The following CD33 variants were observed in gnomAD, a reference collection of about 807,000 sequenced individuals.
CD33 encodes the protein myeloid cell surface antigen CD33.
A neutral mutation model predicts 31.4 loss-of-function variants in CD33; 25 were observed. The observed-to-expected ratio is 0.80, with a 90% CI of 0.58 to 1.11. The LOEUF is 1.11. Ranked by LOEUF, CD33 falls within the 50% of genes most tolerant of loss-of-function variation. The pLI is 0.00. For synonymous variants in CD33, 176 were observed against 180.6 expected (o/e 0.97, Z 0.20); for missense variants, 407 against 448.1 (o/e 0.91, Z 0.83).
At chr19:51,213,702 A>ATT in the CD33 span, among the ~76,000 whole-genome samples, 2 of 137,656 alleles carry the variant, frequency 1.5e-5, no homozygotes, top group Non-Finnish European at 3.1e-5. Flanking sequence ...ATGCCTGGCT[A>ATT]TTTTTTTTTT....
chr19:51,237,449 G>T (rs968956332), intron 6 of CD33: 1 of 152,270 alleles, frequency 6.6e-6, no homozygotes, highest in Non-Finnish European at 1.5e-5. Context: ...GGCAGGAAAT[G>T]AAATGGGAGA....
At chr19:51,227,703 A>G (rs990106852) in intron 4 of CD33, among the ~76,000 whole-genome samples, 2 of 152,132 alleles carry the variant, frequency 1.3e-5, no homozygotes, top group African/African-American at 2.4e-5. Flanking sequence ...TCCTTTCTGC[A>G]TAGAAGCTTT....
chr19:51,238,094 T>C (rs1302393694), intron 6 of CD33: 2 of 152,238 alleles, frequency 1.3e-5, no homozygotes, highest in Non-Finnish European at 2.9e-5. Context: ...ATAGATGTCA[T>C]GGATGTCCAA....
intron 4 of CD33, among the ~76,000 whole-genome samples, chr19:51,234,671 A>C (rs2123290561): frequency 6.6e-6 from 1 of 152,010 alleles, no homozygotes; most frequent in South Asian, 2.1e-4. Context: ...GGTCCAGGAG[A>C]ACTGTCTGGG....
the CD33 span, among the ~76,000 whole-genome samples, chr19:51,220,022 C>T: frequency 6.6e-6 from 1 of 152,144 alleles, no homozygotes; most frequent in African/African-American, 2.4e-5. Context: ...TTTGATATCA[C>T]GGTCATACTG....
At chr19:51,228,014 T>C (rs1981154406) in intron 4 of CD33, among the ~76,000 whole-genome samples, 1 of 152,204 alleles carries the variant, frequency 6.6e-6, no homozygotes, top group Non-Finnish European at 1.5e-5. Context: ...TTTGTCAAAA[T>C]TCAGTTGGCT....
the CD33 span, chr19:51,211,321 A>G: frequency 1.7e-5 from 26 of 1,563,012 alleles, no homozygotes; most frequent in South Asian, 2.3e-5. Flanking sequence ...ACCCTACTAC[A>G]ACAGGAATTT....
Position 51,225,592 on chromosome 19 carries a change from G to C in CD33, c.412G>C (p.Val138Leu), listed in dbSNP as rs747475762. 1.3e-6 allele frequency: 2 copies of C among 1,554,068 alleles called. No homozygotes were observed. The highest frequency in any genetic ancestry group is 2.7e-5 in the African/African-American group (2 of 73,172). ...SYKSPQLSVH[V>L]TDLTHRPKIL... ...CAAATCTCCCCAGCTCTCTGTGCAT[G>C]TGACAGGTGAGGCACAGGCTTCAGA... is the stretch of plus-strand genomic sequence containing the variant. The change falls in exon 2 of 7, where the codon GTG becomes CTG. Residue 138 changes from valine (V) to leucine (L), a missense_variant. Transcript: ENST00000262262.
At chr19:51,212,723 G>A in the CD33 span, among the ~76,000 whole-genome samples, 11,475 of 152,208 alleles carry the variant, frequency 0.075, 1,033 homozygotes, top group African/African-American at 0.22. Flanking sequence ...CTCATGGGAA[G>A]AACTTAACAA....
chr19:51,238,204 A>C (rs1397685403), intron 6 of CD33: 1 of 152,266 alleles, frequency 6.6e-6, no homozygotes, highest in Non-Finnish European at 1.5e-5. Flanking sequence ...GCCAATGATT[A>C]AAATTGCCAT....
In CD33 at chr19:51,239,718, G is replaced by A; in HGVS notation, c.*30G>A. 1 of 1,581,686 alleles carries A rather than the reference G, an allele frequency of 6.3e-7. No homozygotes were observed. On this transcript the variant is annotated 3_prime_UTR_variant, in exon 7 of 7. Transcript: ENST00000262262. ...CCCACAAGAGCATCAGGCTCAGCTA[G>A]AAGATCCACATCCTCTACAGGTCGG...
chr19:51,239,262 T>C (rs8110476), intron 6 of CD33: 3 of 322,890 alleles, frequency 9.3e-6, no homozygotes, highest in Middle Eastern at 8.3e-4. Context: ...ATGCCAAAGA[T>C]GATGTCAGTG....
intron 4 of CD33, among the ~76,000 whole-genome samples, chr19:51,230,549 G>A (rs538021552): frequency 6.6e-6 from 1 of 152,212 alleles, no homozygotes; most frequent in Non-Finnish European, 1.5e-5. Context: ...CTGGTGTTGT[G>A]TGCATATGTA....
At chr19:51,233,344 C>T (rs1368033126) in intron 4 of CD33, among the ~76,000 whole-genome samples, 1 of 152,230 alleles carries the variant, frequency 6.6e-6, no homozygotes, top group African/African-American at 2.4e-5. Context: ...TAAGACCTTT[C>T]CTCCAGCTGG....
intron 4 of CD33, among the ~76,000 whole-genome samples, chr19:51,230,290 C>T (rs992666136): frequency 5.6e-5 from 8 of 142,030 alleles, no homozygotes; most frequent in African/African-American, 8.0e-5. Flanking sequence ...AACATATGGT[C>T]GATCCTTGGG....
upstream of CD33, among the ~76,000 whole-genome samples, chr19:51,222,919 T>C (rs1396882246): frequency 1.3e-5 from 2 of 152,140 alleles, no homozygotes; most frequent in East Asian, 3.8e-4. Flanking sequence ...GACTTTATTG[T>C]TAAAACTAAA....
rs748635992 is a variant in CD33 at position 51,225,869 on chromosome 19, C to A, written c.485C>A (p.Thr162Asn). 33 of 1,614,014 alleles carry A rather than the reference C, an allele frequency of 2.0e-5. 1 individual carries two copies. Among genetic ancestry groups the A allele is most frequent in the East Asian group, 4.5e-5 (2 of 44,878 alleles). Residue 162 changes from threonine (T) to asparagine (N), a missense_variant, in exon 3 of 7, where the codon ACC becomes AAC. Physicochemically the swap from Thr to Asn is moderately conservative, Grantham distance 65. Transcript: ENST00000262262. ...TLEPGHSKNLTCSVSWACEQG... is the reference protein window; with the variant it reads ...TLEPGHSKNLNCSVSWACEQG... ...GAACCCGGCCACTCCAAAAACCTGACCTGCTCTGTGTCCTGGGCCTGTGAG... is the reference window on the plus strand; with the variant it reads ...GAACCCGGCCACTCCAAAAACCTGAACTGCTCTGTGTCCTGGGCCTGTGAG...
chr19:51,227,729 CTCATT>C (rs1981130887), intron 4 of CD33, among the ~76,000 whole-genome samples: 1 of 152,150 alleles, frequency 6.6e-6, no homozygotes, highest in Non-Finnish European at 1.5e-5. Flanking sequence ...TTGATATCAT[CTCATT>C]TATTTACTTT....
intron 6 of CD33, chr19:51,236,106 C>T (rs1180924547): frequency 1.1e-5 from 5 of 451,768 alleles, no homozygotes; most frequent in Admixed American, 3.4e-5. Flanking sequence ...TGTAGTGAGC[C>T]GACATAGCAC....
Sources: gnomAD v4.1 joint callset for allele counts (sites outside exome capture counted in the v4.1 genomes callset) on GRCh38, gnomAD v4.1.1 for gene constraint, MANE v1.5 for transcripts, NCBI Gene and HGNC (gene_info 2026-07-23, HGNC 2026-07-21) for gene names.